PANK1: variants seen among roughly 807,000 people sequenced by gnomAD.
The protein encoded by PANK1 is pantothenic acid kinase 1.
PANK1 carries 18 observed loss-of-function variants against 40.1 expected under a neutral mutation model. The ratio of observed to expected loss-of-function variants is 0.45; its 90% CI spans 0.31 to 0.67. The LOEUF (loss-of-function observed/expected upper bound fraction) is 0.67. Among genes scored for constraint, PANK1 ranks in the 30% least tolerant of loss-of-function variants. The pLI, the probability that PANK1 is intolerant of heterozygous loss-of-function variation, is 0.06. For missense variants in PANK1, 457 were observed against 599.6 expected (o/e 0.76, Z 2.48); for synonymous variants, 242 against 237.7 (o/e 1.02, Z -0.17).
chr10:89,589,371 T>C (rs571667910), intron 5 of PANK1, among the ~76,000 whole-genome samples: 1 of 152,324 alleles, frequency 6.6e-6, no homozygotes, highest in South Asian at 2.1e-4. Context: ...GGATGTGGCT[T>C]TGCATTCTGA....
intron 1 of PANK1, among the ~76,000 whole-genome samples, chr10:89,623,240 G>A (rs1488030844): frequency 6.6e-6 from 1 of 151,894 alleles, no homozygotes; most frequent in Non-Finnish European, 1.5e-5. Context: ...TTTTGTTTTT[G>A]AGATGCAGAC....
intron 1 of PANK1, among the ~76,000 whole-genome samples, chr10:89,631,929 C>A (rs796947217): frequency 8.7e-5 from 13 of 149,928 alleles, no homozygotes; most frequent in African/African-American, 3.2e-4. Context: ...ATATAATACA[C>A]TGCTAACTTT....
chr10:89,640,974 G>A (rs1324468665), intron 1 of PANK1, among the ~76,000 whole-genome samples: 1 of 152,116 alleles, frequency 6.6e-6, no homozygotes, highest in Non-Finnish European at 1.5e-5. Context: ...TTAACCAGTT[G>A]GACACTGGAC....
intron 1 of PANK1, among the ~76,000 whole-genome samples, chr10:89,638,303 C>T (rs962194091): frequency 1.5e-4 from 23 of 152,212 alleles, no homozygotes; most frequent in South Asian, 4.1e-4. Context: ...TTTCCTTCTC[C>T]GAGGTCATGG....
chr10:89,592,134 A>C (rs150959455), intron 5 of PANK1, among the ~76,000 whole-genome samples: 107 of 152,358 alleles, frequency 7.0e-4, no homozygotes, highest in African/African-American at 2.5e-3. Context: ...TTCTCTGAGT[A>C]TCAGCCTCCC....
chr10:89,602,044 C>T (rs7918120), intron 2 of PANK1, among the ~76,000 whole-genome samples: 93,003 of 152,038 alleles, frequency 0.61, 28,960 homozygotes, highest in East Asian at 0.93. Flanking sequence ...GTTATTATCT[C>T]TTGGATCACC....
chr10:89,639,180 G>C (rs947694272), intron 1 of PANK1: 4 of 452,798 alleles, frequency 8.8e-6, no homozygotes, highest in South Asian at 6.2e-5. Context: ...CAAGATCGAG[G>C]GACTGCATCT....
At chr10:89,639,075 G>T in intron 1 of PANK1, 1 of 282,662 alleles carries the variant, frequency 3.5e-6, no homozygotes, top group Admixed American at 3.4e-5. Context: ...TTCTGTCTTT[G>T]TCCAGTTTGT....
intron 1 of PANK1, among the ~76,000 whole-genome samples, chr10:89,613,530 A>T (rs1845224822): frequency 1.3e-5 from 2 of 152,186 alleles, no homozygotes; most frequent in Admixed American, 6.5e-5. Flanking sequence ...TTTGGTTATG[A>T]CCCAAGATAG....
At chr10:89,606,600 T>C (rs1265438254) in intron 2 of PANK1, among the ~76,000 whole-genome samples, 1 of 133,880 alleles carries the variant, frequency 7.5e-6, no homozygotes, top group Non-Finnish European at 1.7e-5. Flanking sequence ...CATAGCTCAC[T>C]GCAACCTCTG....
intron 1 of PANK1, among the ~76,000 whole-genome samples, chr10:89,635,640 A>G (rs1011736421): frequency 1.3e-5 from 2 of 152,216 alleles, no homozygotes; most frequent in African/African-American, 2.4e-5. Flanking sequence ...CCCAAAAGTC[A>G]TAACTTTCCA....
intron 1 of PANK1, among the ~76,000 whole-genome samples, chr10:89,642,111 AC>A (rs1274880523): frequency 2.0e-5 from 3 of 152,192 alleles, no homozygotes; most frequent in African/African-American, 7.2e-5. Context: ...AGAGTGGACA[AC>A]ATTCTCCTTT....
chr10:89,642,119 C>A (rs1028869512), intron 1 of PANK1, among the ~76,000 whole-genome samples: 1 of 152,156 alleles, frequency 6.6e-6, no homozygotes, highest in Non-Finnish European at 1.5e-5. Flanking sequence ...CAACATTCTC[C>A]TTTCCTGGTT....
At chr10:89,610,464 GAA>G (rs10709875) in intron 2 of PANK1, among the ~76,000 whole-genome samples, 22,910 of 149,178 alleles carry the variant, frequency 0.15, 2,183 homozygotes, top group East Asian at 0.46. Flanking sequence ...GGACATAGAA[GAA>G]AAAAAAAAAC....
intron 5 of PANK1, among the ~76,000 whole-genome samples, chr10:89,592,112 T>C (rs2133927491): frequency 6.6e-6 from 1 of 152,344 alleles, no homozygotes; most frequent in East Asian, 1.9e-4. Context: ...AAAACATCTC[T>C]GGAATGCTCT....
At position 89,644,938 on chromosome 10, in the gene PANK1, CGCT is replaced by C. The variant is rs1842070885; in HGVS notation, c.-50_-48del. 1.3e-6 allele frequency: 2 copies of C among 1,567,016 alleles called. No individual in the cohort carries two copies. The highest frequency in any genetic ancestry group is 2.8e-5 in the African/African-American group (2 of 70,790). ...GCGCGGGCCCCGGCTCAGGCGGCCT[CGCT>C]GGAGGTCATTCTCCGGCGTCTTTAT... On this transcript the variant is annotated 5_prime_UTR_variant, in exon 1 of 7. Transcript: ENST00000307534.
chr10:89,616,617 G>A (rs1478693228), intron 1 of PANK1, among the ~76,000 whole-genome samples: 3 of 151,912 alleles, frequency 2.0e-5, no homozygotes, highest in Non-Finnish European at 4.4e-5. Context: ...GCAGCAAAGC[G>A]AAAATCCATC....
intron 1 of PANK1, among the ~76,000 whole-genome samples, chr10:89,636,400 G>C (rs901025458): frequency 6.6e-6 from 1 of 151,654 alleles, no homozygotes; most frequent in Admixed American, 6.6e-5. Flanking sequence ...GCAGTGGCGC[G>C]ATCTCAGCTC....
chr10:89,581,058 T>G (rs766721687), downstream of PANK1: 1 of 151,560 alleles, frequency 6.6e-6, no homozygotes, highest in Non-Finnish European at 1.5e-5. Context: ...TTCTAGAATA[T>G]AAGCTCTGTG....
Sources: gnomAD v4.1 joint callset for allele counts (sites outside exome capture counted in the v4.1 genomes callset) on GRCh38, gnomAD v4.1.1 for gene constraint, MANE v1.5 for transcripts, NCBI Gene and HGNC (gene_info 2026-07-23, HGNC 2026-07-21) for gene names.